EXOC4: variants seen among roughly 807,000 people sequenced by gnomAD.
EXOC4 encodes the protein exocyst complex component 4.
EXOC4 carries 71 observed loss-of-function variants against 107.2 expected under a neutral mutation model. That is an observed-to-expected ratio of 0.66 (90% CI 0.55 to 0.81). The LOEUF (loss-of-function observed/expected upper bound fraction) is 0.81, where lower values mean the gene tolerates loss of function less well. Among genes scored for constraint, EXOC4 ranks in the 30% least tolerant of loss-of-function variants. The pLI is 0.00. For missense variants in EXOC4, 1,108 were observed against 1,189.6 expected (o/e 0.93, Z 1.01); for synonymous variants, 456 against 441.2 (o/e 1.03, Z -0.42).
chr7:133,458,891 A>G (rs1456487965), intron 7 of EXOC4, among the ~76,000 whole-genome samples: 1 of 117,204 alleles, frequency 8.5e-6, no homozygotes, highest in African/African-American at 3.3e-5. Context: ...TGTGAAGGGC[A>G]ATATATTCTC....
At chr7:133,643,362 C>G (rs1263605709) in intron 10 of EXOC4, among the ~76,000 whole-genome samples, 1 of 152,140 alleles carries the variant, frequency 6.6e-6, no homozygotes, top group Admixed American at 6.5e-5. Flanking sequence ...GCCGCACTAG[C>G]AGCTGATTAG....
intron 17 of EXOC4, among the ~76,000 whole-genome samples, chr7:134,045,988 A>T (rs1044564034): frequency 1.3e-5 from 2 of 152,132 alleles, no homozygotes; most frequent in Non-Finnish European, 2.9e-5. Context: ...TCAGGTACAC[A>T]TCCCAACACC....
At chr7:133,759,319 T>C (rs1022446282) in intron 10 of EXOC4, among the ~76,000 whole-genome samples, 1 of 152,116 alleles carries the variant, frequency 6.6e-6, no homozygotes, top group African/African-American at 2.4e-5. Context: ...AACTAAGATA[T>C]TATTTCTCTG....
At chr7:133,799,990 G>A (rs1012404237) in intron 10 of EXOC4, among the ~76,000 whole-genome samples, 1 of 151,894 alleles carries the variant, frequency 6.6e-6, no homozygotes, top group Non-Finnish European at 1.5e-5. Context: ...CTTTATAGAA[G>A]GCACTTTTTC....
chr7:133,631,127 AT>A (rs1038718104), intron 10 of EXOC4, among the ~76,000 whole-genome samples: 1 of 152,120 alleles, frequency 6.6e-6, no homozygotes, highest in Non-Finnish European at 1.5e-5. Context: ...TAATATATCA[AT>A]TGTGTGTTTT....
intron 5 of EXOC4, among the ~76,000 whole-genome samples, chr7:133,354,312 G>T (rs1036718463): frequency 3.9e-5 from 6 of 151,986 alleles, no homozygotes; most frequent in African/African-American, 1.2e-4. Context: ...TTTTGATGTT[G>T]TTATTGTTTT....
chr7:133,604,981 T>G (rs1801904701), intron 9 of EXOC4, among the ~76,000 whole-genome samples: 1 of 152,028 alleles, frequency 6.6e-6, no homozygotes, highest in African/African-American at 2.4e-5. Context: ...CACCTCGGCC[T>G]CCCAAAGTGC....
chr7:133,907,842 A>G (rs1010700670), intron 12 of EXOC4, among the ~76,000 whole-genome samples: 1 of 89,686 alleles, frequency 1.1e-5, no homozygotes. Context: ...AGAGGAGGAG[A>G]AGGAGAGAGA....
intron 12 of EXOC4, among the ~76,000 whole-genome samples, chr7:133,909,500 A>G (rs777491379): frequency 3.4e-4 from 52 of 152,266 alleles, no homozygotes; most frequent in Non-Finnish European, 5.7e-4. Flanking sequence ...GAAAGGAGCA[A>G]GTCCGAAGAT....
At chr7:133,634,477 T>G (rs1056602341) in intron 10 of EXOC4, among the ~76,000 whole-genome samples, 36 of 152,184 alleles carry the variant, frequency 2.4e-4, no homozygotes, top group Admixed American at 5.9e-4. Context: ...ATAGTTTTTT[T>G]TTTGTTTGTT....
At chr7:133,816,088 C>T (rs1306172068) in intron 10 of EXOC4, among the ~76,000 whole-genome samples, 1 of 152,160 alleles carries the variant, frequency 6.6e-6, no homozygotes, top group African/African-American at 2.4e-5. Flanking sequence ...TGTGATTGGT[C>T]ACTAATCATG....
At chr7:133,991,538 G>C (rs972097833) in intron 14 of EXOC4, among the ~76,000 whole-genome samples, 2 of 152,028 alleles carry the variant, frequency 1.3e-5, no homozygotes, top group African/African-American at 2.4e-5. Context: ...TCAATGTCCT[G>C]TAGCATTTCC....
At chr7:133,551,407 T>C (rs1338879129) in intron 9 of EXOC4, among the ~76,000 whole-genome samples, 2 of 152,180 alleles carry the variant, frequency 1.3e-5, no homozygotes, top group Non-Finnish European at 2.9e-5. Flanking sequence ...AGATTCATCA[T>C]GTTATTTTTC....
chr7:133,350,119 T>C (rs1168111281), intron 5 of EXOC4, among the ~76,000 whole-genome samples: 2 of 152,082 alleles, frequency 1.3e-5, no homozygotes, highest in East Asian at 3.9e-4. Context: ...CCTATTCTGT[T>C]GGTTGCCTTT....
intron 10 of EXOC4, among the ~76,000 whole-genome samples, chr7:133,714,429 G>C (rs1219357162): frequency 1.3e-5 from 2 of 152,172 alleles, no homozygotes; most frequent in African/African-American, 2.4e-5. Context: ...GCCTCTAGTG[G>C]TGTAGTGACT....
intron 10 of EXOC4, among the ~76,000 whole-genome samples, chr7:133,700,660 A>T (rs1260882053): frequency 6.6e-6 from 1 of 152,190 alleles, no homozygotes; most frequent in Non-Finnish European, 1.5e-5. Flanking sequence ...ACTATAATAA[A>T]TAATAGACAA....
At chr7:133,942,950 C>T (rs1362650716) in intron 14 of EXOC4, among the ~76,000 whole-genome samples, 8 of 152,116 alleles carry the variant, frequency 5.3e-5, no homozygotes, top group Non-Finnish European at 1.2e-4. Context: ...TTAGAAACTC[C>T]ATCTGTCTTG....
rs992365760 is a variant in EXOC4, at chr7:133,410,602, T to C, written c.1182+35600T>C. On this transcript the variant is annotated intron_variant, in intron 7 of 17. Coordinates refer to ENST00000253861, the MANE Select transcript of EXOC4 (RefSeq NM_021807.4). The stretch of plus-strand genomic sequence containing the variant: ...GGATTTTTCCCTTCAGGATTGTGTG[T>C]TGGGGTGGGGGCATACTGGGGATGA... Among the ~76,000 whole-genome samples the C allele has an allele frequency of 2.0e-5, 3 of 152,180 alleles. No homozygotes were observed. The East Asian group carries it at 5.8e-4, about 29-fold the overall frequency.
chr7:133,579,829 G>A (rs1388052344), intron 9 of EXOC4, among the ~76,000 whole-genome samples: 2 of 152,086 alleles, frequency 1.3e-5, no homozygotes, highest in African/African-American at 4.8e-5. Flanking sequence ...TGGGACTACA[G>A]GCACGCGCCA....
Sources: allele counts gnomAD v4.1 joint callset (sites outside exome capture counted in the v4.1 genomes callset), GRCh38; gene constraint gnomAD v4.1.1; transcripts MANE v1.5; gene names NCBI Gene and HGNC (gene_info 2026-07-23, HGNC 2026-07-21).